Variants in LRRTM4 observed in about 807,000 individuals in gnomAD.
LRRTM4 encodes leucine rich repeat transmembrane neuronal 4, also known as leucine-rich repeat transmembrane neuronal protein 4.
A neutral mutation model predicts 47.6 loss-of-function variants in LRRTM4; 25 were observed. The observed-to-expected ratio is 0.53, with a 90% CI of 0.38 to 0.73. LRRTM4 has a LOEUF of 0.73. Among genes scored for constraint, LRRTM4 ranks in the 30% least tolerant of loss-of-function variants. The pLI, the probability that LRRTM4 is intolerant of heterozygous loss-of-function variation, is 0.00. For synonymous variants in LRRTM4, 311 were observed against 269.5 expected, an observed-to-expected ratio of 1.15 and a Z score of -1.51; for missense variants, 638 against 713.4, an observed-to-expected ratio of 0.89 and a Z score of 1.20.
chr2:76,865,492 T>C (rs1257480481), intron 3 of LRRTM4, among the ~76,000 whole-genome samples: 1 of 152,230 alleles, frequency 6.6e-6, no homozygotes, highest in African/African-American at 2.4e-5. Flanking sequence ...AGGTTTTGTC[T>C]ATCCTCATCA....
chr2:77,093,947 G>A (rs376363393), intron 3 of LRRTM4, among the ~76,000 whole-genome samples: 9 of 150,214 alleles, frequency 6.0e-5, no homozygotes, highest in Non-Finnish European at 8.8e-5. Context: ...GAACAAACCC[G>A]CTTTGACTGC....
intron 3 of LRRTM4, chr2:76,987,542 GT>G: frequency 6.6e-6 from 1 of 152,008 alleles, no homozygotes; most frequent in South Asian, 2.1e-4. Flanking sequence ...AGTTTCACCT[GT>G]GTGTGTATGT....
chr2:77,074,916 T>C (rs1680282269), intron 3 of LRRTM4, among the ~76,000 whole-genome samples: 1 of 122,336 alleles, frequency 8.2e-6, no homozygotes. Flanking sequence ...AGTTTCACTT[T>C]TTTTCCAAGA....
intron 3 of LRRTM4, among the ~76,000 whole-genome samples, chr2:76,795,777 C>A (rs945472328): frequency 2.6e-5 from 4 of 152,070 alleles, no homozygotes; most frequent in Non-Finnish European, 5.9e-5. Flanking sequence ...AAAGCCAGAT[C>A]AGGGCACTAT....
At chr2:76,823,336 C>T (rs17333150) in intron 3 of LRRTM4, among the ~76,000 whole-genome samples, 17,485 of 151,284 alleles carry the variant, frequency 0.12, 1,171 homozygotes, top group Non-Finnish European at 0.14. Context: ...AAGCAATCAG[C>T]CATGAATACA....
rs189137081 is a variant in LRRTM4, at chr2:77,179,647, C to T, written c.1551+338671G>A. ...TTTTACTCTATTAAAAAAATTAGAC[C>T]ATAAAACTGTCCTAATAAGGTTGAT... On this transcript the variant is annotated intron_variant, in intron 3 of 3. Coordinates refer to ENST00000409884, the MANE Select transcript of LRRTM4 (RefSeq NM_001134745.3). 2.3e-4 allele frequency among the ~76,000 whole-genome samples: 35 copies of T among 152,028 alleles called. No homozygotes were observed. In the East Asian group the frequency reaches 6.2e-3, roughly 27 times the overall value.
intron 3 of LRRTM4, among the ~76,000 whole-genome samples, chr2:76,832,000 T>C (rs1183279494): frequency 6.6e-6 from 1 of 152,138 alleles, no homozygotes; most frequent in Non-Finnish European, 1.5e-5. Flanking sequence ...TTATACTGAT[T>C]GTTAAAAATA....
intron 3 of LRRTM4, among the ~76,000 whole-genome samples, chr2:77,293,407 A>G (rs570119949): frequency 1.2e-4 from 18 of 152,258 alleles, no homozygotes; most frequent in African/African-American, 4.3e-4. Context: ...GAAATGGGGT[A>G]AATGAACAAA....
rs1207786173 is a variant in LRRTM4, at chr2:77,223,962, C to T, written c.1551+294356G>A. Among the ~76,000 whole-genome samples the T allele has an allele frequency of 2.6e-5, 4 of 152,058 alleles. No individual in the cohort carries two copies. The East Asian group carries it at 7.7e-4, about 29-fold the overall frequency. ...TCACGCTACCTGACTTCAAACTATG[C>T]TACAAGGCTACAGTAACCAAAACAG... is the stretch of plus-strand genomic sequence containing the variant. On this transcript the variant is annotated intron_variant, in intron 3 of 3. Coordinates refer to ENST00000409884, the MANE Select transcript of LRRTM4 (RefSeq NM_001134745.3).
chr2:77,351,319 C>T (rs2104296592), intron 3 of LRRTM4, among the ~76,000 whole-genome samples: 2 of 150,640 alleles, frequency 1.3e-5, no homozygotes, highest in South Asian at 4.2e-4. Flanking sequence ...CCTAGTTTGA[C>T]AAGGTATTCC....
Position 77,429,555 on chromosome 2 carries a change from A to G in LRRTM4, c.1551+88763T>C, listed in dbSNP as rs527716596. Among the ~76,000 whole-genome samples the G allele has an allele frequency of 2.2e-4, 33 of 152,346 alleles. No individual in the cohort carries two copies. The Middle Eastern group carries it at 0.014, about 63-fold the overall frequency. ...AAAAAATCCTGTCGTTTACAACGAC[A>G]TAGATCAAACTGGAGAACATAACTT... On this transcript the variant is annotated intron_variant, in intron 3 of 3. Transcript: ENST00000409884.
intron 3 of LRRTM4, among the ~76,000 whole-genome samples, chr2:77,117,265 G>A (rs977240579): frequency 2.0e-4 from 31 of 151,960 alleles, no homozygotes; most frequent in Middle Eastern, 6.8e-3. Context: ...TAACAAAAAG[G>A]AAAATAGAAA....
intron 3 of LRRTM4, among the ~76,000 whole-genome samples, chr2:77,350,332 CAAAAAAAAAAAAAAAA>C (rs61365229): frequency 5.1e-5 from 2 of 39,182 alleles, no homozygotes; most frequent in African/African-American, 8.8e-5. Context: ...GACTCCGTCT[CAAAAAAAAAAAAAAAA>C]AAAAAAAAAA....
At chr2:77,450,769 G>A (rs1443849474) in intron 3 of LRRTM4, among the ~76,000 whole-genome samples, 1 of 152,010 alleles carries the variant, frequency 6.6e-6, no homozygotes, top group Non-Finnish European at 1.5e-5. Context: ...CTTATAGCTA[G>A]CCAATTATAA....
chr2:77,245,211 A>AG (rs1675399025), intron 3 of LRRTM4, among the ~76,000 whole-genome samples: 1 of 100,198 alleles, frequency 1.0e-5, no homozygotes, highest in Non-Finnish European at 2.1e-5. Context: ...TAGAAATAAT[A>AG]CTTTAAATGT....
intron 3 of LRRTM4, among the ~76,000 whole-genome samples, chr2:77,241,597 G>C (rs6747704): frequency 6.6e-6 from 1 of 151,508 alleles, no homozygotes; most frequent in Non-Finnish European, 1.5e-5. Flanking sequence ...ATTGAATAGA[G>C]ATTAGGTATG....
chr2:77,519,289 G>A lies in LRRTM4; in HGVS notation c.580C>T (p.Arg194Ter). Residue 194 changes from arginine (R) to a stop codon, truncating the protein, a stop_gained, in exon 3 of 4, where the codon CGA becomes TGA. Coordinates refer to ENST00000409884, the MANE Select transcript of LRRTM4 (RefSeq NM_001134745.3). LOFTEE classifies it high-confidence loss of function. The surrounding 1 kb of genome is among the most constrained non-coding windows in gnomAD (Gnocchi z 4.6). ...DFLDLGYNRL[R>*]SLSRNAFAGL... ...GCAAATGCATTTCGGGACAAGCTTC[G>A]AAGACGATTGTAACCCAAATCCAAA... 3 of 1,613,426 alleles carry A rather than the reference G, an allele frequency of 1.9e-6. No individual in the cohort carries two copies. The highest frequency in any genetic ancestry group is 2.5e-6 in the Non-Finnish European group (3 of 1,179,580).
intron 3 of LRRTM4, among the ~76,000 whole-genome samples, chr2:76,880,942 A>G (rs937884211): frequency 6.6e-6 from 1 of 152,160 alleles, no homozygotes; most frequent in African/African-American, 2.4e-5. Context: ...GAGTCTGGGA[A>G]GGGTACAGGG....
At chr2:77,496,556 G>A (rs1057078735) in intron 3 of LRRTM4, among the ~76,000 whole-genome samples, 2 of 151,632 alleles carry the variant, frequency 1.3e-5, no homozygotes, top group Admixed American at 1.3e-4. Flanking sequence ...TTTCTCAAAC[G>A]CTTTGTCTGC....
Sources: allele counts gnomAD v4.1 joint callset (sites outside exome capture counted in the v4.1 genomes callset), GRCh38; gene constraint gnomAD v4.1.1; non-coding constraint Gnocchi (gnomAD v3.1); transcripts MANE v1.5; gene names NCBI Gene and HGNC (gene_info 2026-07-23, HGNC 2026-07-21).